USP45: variants seen among roughly 807,000 people sequenced by gnomAD.
USP45 encodes the protein ubiquitin carboxyl-terminal hydrolase 45.
A neutral mutation model predicts 95.8 loss-of-function variants in USP45; 89 were observed. The ratio of observed to expected loss-of-function variants is 0.93; its 90% confidence interval spans 0.78 to 1.11. USP45 has a LOEUF of 1.11. Among genes scored for constraint, USP45 ranks in the 50% least tolerant of loss-of-function variants. USP45 has a pLI of 0.00. For synonymous variants in USP45, 281 were observed against 316.2 expected, an observed-to-expected ratio of 0.89 and a Z score of 1.18; for missense variants, 898 against 942.5, an observed-to-expected ratio of 0.95 and a Z score of 0.62.
At chr6:99,449,389 G>A (rs576718467) in intron 13 of USP45, among the ~76,000 whole-genome samples, 18 of 152,198 alleles carry the variant, frequency 1.2e-4, no homozygotes, top group Middle Eastern at 3.4e-3. Flanking sequence ...GATAAAACAG[G>A]CTTTAAAACA....
intron 13 of USP45, chr6:99,461,287 G>A: frequency 1.0e-6 from 1 of 985,312 alleles, no homozygotes; most frequent in Non-Finnish European, 1.2e-6. Flanking sequence ...AAAAGCTGTG[G>A]GGAGGGGAAA....
chr6:99,490,002 CAAA>C (rs1356717046), intron 5 of USP45, among the ~76,000 whole-genome samples: 1 of 152,046 alleles, frequency 6.6e-6, no homozygotes, highest in African/African-American at 2.4e-5. Context: ...AATATGAAAA[CAAA>C]GAACAATTCC....
chr6:99,488,023 C>T (rs1794371659), intron 7 of USP45, among the ~76,000 whole-genome samples, 177 bp downstream of exon 7: 2 of 152,064 alleles, frequency 1.3e-5, no homozygotes, highest in African/African-American at 2.4e-5. Flanking sequence ...CATAACATAC[C>T]TTAAAGTTAT....
intron 8 of USP45, among the ~76,000 whole-genome samples, chr6:99,480,044 T>C (rs1791978162): frequency 6.6e-6 from 1 of 152,058 alleles, no homozygotes; most frequent in South Asian, 2.1e-4. Flanking sequence ...GTAAAGCAAG[T>C]TGGGTAGGGT....
intron 1 of USP45, among the ~76,000 whole-genome samples, chr6:99,512,725 T>C (rs1020473914): frequency 2.0e-5 from 3 of 152,208 alleles, no homozygotes; most frequent in Admixed American, 1.3e-4. Flanking sequence ...ACTACTGAAC[T>C]AAGTTGCAAT....
chr6:99,445,727 C>T, intron 14 of USP45, 70 bp downstream of exon 14: 2 of 1,166,636 alleles, frequency 1.7e-6, no homozygotes, highest in East Asian at 5.2e-5. Context: ...CAGTAAAATT[C>T]TCAGTGAAAT....
intron 5 of USP45, among the ~76,000 whole-genome samples, chr6:99,498,938 T>G (rs1796849002): frequency 6.6e-6 from 1 of 152,224 alleles, no homozygotes; most frequent in Non-Finnish European, 1.5e-5. Context: ...CATGGCATAG[T>G]ATTTATTTCA....
At chr6:99,478,384 T>C (rs895448725) in intron 8 of USP45, among the ~76,000 whole-genome samples, 1 of 152,002 alleles carries the variant, frequency 6.6e-6, no homozygotes, top group Non-Finnish European at 1.5e-5. Context: ...TATGAAAATA[T>C]TCAGCCTATT....
intron 9 of USP45, among the ~76,000 whole-genome samples, chr6:99,473,581 C>T (rs1261727023): frequency 6.6e-6 from 1 of 151,590 alleles, no homozygotes; most frequent in Non-Finnish European, 1.5e-5. Flanking sequence ...CATGGTGAAA[C>T]CCCATTTCTA....
chr6:99,479,450 C>G (rs1207291744), intron 8 of USP45, among the ~76,000 whole-genome samples: 1 of 151,902 alleles, frequency 6.6e-6, no homozygotes, highest in Non-Finnish European at 1.5e-5. Flanking sequence ...AGTTCTCCCA[C>G]CTTGGCTCCC....
At chr6:99,447,945 G>A (rs533935501) in intron 13 of USP45, among the ~76,000 whole-genome samples, 3 of 152,298 alleles carry the variant, frequency 2.0e-5, no homozygotes, top group Non-Finnish European at 4.4e-5. Flanking sequence ...GGCCTGGAGT[G>A]GACCTCCAGC....
In USP45 at chr6:99,484,082, C is replaced by T. The variant is rs544745036; in HGVS notation, c.715-1199G>A. ...ACTCCTAAGGCTCAAGCAATCCTCC[C>T]GCCTCAGCCTCCCAAGTAGCTGGGA... is the stretch of plus-strand genomic sequence containing the variant. On this transcript the variant is annotated intron_variant, in intron 7 of 17. Coordinates refer to ENST00000500704, the MANE Select transcript of USP45 (RefSeq NM_001346022.3). Among the ~76,000 whole-genome samples the T allele has an allele frequency of 1.3e-4, 18 of 134,374 alleles. No homozygotes were observed. The South Asian group carries it at 3.7e-3, about 28-fold the overall frequency. 88.2% of individuals were successfully genotyped at this position (134,374 alleles called of 152,430 possible).
chr6:99,462,526 C>T (rs1786716883), intron 13 of USP45: 10 of 985,230 alleles, frequency 1.0e-5, no homozygotes, highest in African/African-American at 1.7e-5. Flanking sequence ...TTTTCAAACT[C>T]TGTAAGATGC....
intron 13 of USP45, among the ~76,000 whole-genome samples, chr6:99,451,269 G>A (rs921358359): frequency 3.9e-5 from 6 of 152,188 alleles, no homozygotes; most frequent in Admixed American, 2.6e-4. Flanking sequence ...TGACATGACT[G>A]TATATTTAGA....
At chr6:99,511,757 C>A (rs1445113596) in intron 1 of USP45, among the ~76,000 whole-genome samples, 1 of 151,054 alleles carries the variant, frequency 6.6e-6, no homozygotes, top group Non-Finnish European at 1.5e-5. Context: ...CCCACCAATT[C>A]CACACCTATT....
chr6:99,487,772 A>G (rs1794306648), intron 7 of USP45, among the ~76,000 whole-genome samples: 2 of 151,886 alleles, frequency 1.3e-5, no homozygotes, highest in South Asian at 4.2e-4. Flanking sequence ...TCCAGCCTGC[A>G]CTCCAGCGAC....
chr6:99,456,001 C>T lies in USP45; in HGVS notation c.1308+8603G>A, dbSNP rs141743384. 4.3e-3 allele frequency among the ~76,000 whole-genome samples: 655 copies of T among 151,454 alleles called. 3 individuals are homozygous for T. Among genetic ancestry groups the T allele is most frequent in the Middle Eastern group, 0.017 (5 of 294 alleles). On this transcript the variant is annotated intron_variant, in intron 13 of 17. Transcript: ENST00000500704. ...TACAAAAATTAACCGGGCTTGATGGCGGGCACCTGTAGTCCCAGCTACTTG... is the reference window on the plus strand; with the variant it reads ...TACAAAAATTAACCGGGCTTGATGGTGGGCACCTGTAGTCCCAGCTACTTG...
chr6:99,459,348 GGT>G (rs1785843033), intron 13 of USP45, among the ~76,000 whole-genome samples: 1 of 152,072 alleles, frequency 6.6e-6, no homozygotes, highest in Admixed American at 6.6e-5. Context: ...AGTATTCCAT[GGT>G]GTATATGTAC....
In USP45 at chr6:99,435,566, G is replaced by A. The variant is rs527372133; in HGVS notation, c.*150C>T. 8.8e-5 allele frequency: 47 copies of A among 534,192 alleles called. No individual in the cohort carries two copies. The highest frequency in any genetic ancestry group is 8.4e-4 in the African/African-American group (43 of 51,144). 33.1% of individuals were successfully genotyped at this position (534,192 alleles called of 1,614,324 possible). ...AGCATTGAGTAAATTTACTTTAAAA[G>A]GGTTCACCAAAATGGTGAAAAAGTT... is the stretch of plus-strand genomic sequence containing the variant. On this transcript the variant is annotated 3_prime_UTR_variant, in exon 18 of 18. Coordinates refer to ENST00000500704, the MANE Select transcript of USP45 (RefSeq NM_001346022.3).
Sources: gnomAD v4.1 joint callset for allele counts (sites outside exome capture counted in the v4.1 genomes callset) on GRCh38, gnomAD v4.1.1 for gene constraint, MANE v1.5 for transcripts, NCBI Gene and HGNC (gene_info 2026-07-23, HGNC 2026-07-21) for gene names.